The following INPP4B variants were observed in gnomAD, a reference collection of about 807,000 sequenced individuals.
The protein encoded by INPP4B is inositol polyphosphate-4-phosphatase type II B.
In INPP4B, 55 loss-of-function variants were observed where a neutral mutation model predicts 122.5. The ratio of observed to expected loss-of-function variants is 0.45; its 90% CI spans 0.36 to 0.56. The LOEUF (loss-of-function observed/expected upper bound fraction) is 0.56. Among genes scored for constraint, INPP4B ranks in the 20% least tolerant of loss-of-function variants. INPP4B has a pLI of 0.00. For missense variants in INPP4B, 1,000 were observed against 1,097.7 expected (o/e 0.91, Z 1.26); for synonymous variants, 403 against 388.7 (o/e 1.04, Z -0.43).
chr4:142,805,678 A>G (rs1778592701), intron 1 of INPP4B, among the ~76,000 whole-genome samples: 1 of 152,018 alleles, frequency 6.6e-6, no homozygotes, highest in Admixed American at 6.6e-5. Flanking sequence ...TAATAAGTAT[A>G]TTTTCTCTTG....
intron 2 of INPP4B, among the ~76,000 whole-genome samples, chr4:142,540,784 G>A (rs1011909310): frequency 9.2e-5 from 14 of 151,860 alleles, no homozygotes; most frequent in East Asian, 1.9e-4. Context: ...TATTCTACAT[G>A]CACACACACA....
chr4:142,667,100 C>G (rs903393025), intron 2 of INPP4B, among the ~76,000 whole-genome samples: 1 of 152,148 alleles, frequency 6.6e-6, no homozygotes, highest in Non-Finnish European at 1.5e-5. Context: ...ATACTAACAG[C>G]ATAATAGGCT....
intron 2 of INPP4B, among the ~76,000 whole-genome samples, chr4:142,693,852 T>A (rs1760598207): frequency 6.6e-6 from 1 of 152,106 alleles, no homozygotes; most frequent in Admixed American, 6.6e-5. Context: ...AAGAAACAGA[T>A]AATCAAGAAA....
chr4:142,281,668 T>C (rs1402831771), intron 9 of INPP4B, among the ~76,000 whole-genome samples: 2 of 152,122 alleles, frequency 1.3e-5, no homozygotes, highest in South Asian at 2.1e-4. Context: ...TTTTAGAGTG[T>C]AATGTATTTC....
intron 2 of INPP4B, among the ~76,000 whole-genome samples, chr4:142,686,047 C>T (rs558949138): frequency 2.0e-5 from 3 of 152,136 alleles, no homozygotes; most frequent in African/African-American, 4.8e-5. Context: ...GGCTGTTGAC[C>T]GGAATTTCAT....
chr4:142,179,238 C>T (rs1047556645), intron 15 of INPP4B, among the ~76,000 whole-genome samples: 3 of 151,864 alleles, frequency 2.0e-5, no homozygotes. Flanking sequence ...TTTGGGAGGC[C>T]GAGGTGGGCA....
At chr4:142,402,378 G>C (rs1488883033) in intron 7 of INPP4B, among the ~76,000 whole-genome samples, 1 of 152,322 alleles carries the variant, frequency 6.6e-6, no homozygotes, top group South Asian at 2.1e-4. Context: ...ATGCAGACCA[G>C]TTAGGAAGAT....
At chr4:142,845,713 G>A (rs1328831424) in intron 1 of INPP4B, among the ~76,000 whole-genome samples, 1 of 152,008 alleles carries the variant, frequency 6.6e-6, no homozygotes, top group Admixed American at 6.6e-5. Flanking sequence ...TATTCCTTAA[G>A]GACTTCTTCC....
intron 2 of INPP4B, among the ~76,000 whole-genome samples, chr4:142,488,922 C>T (rs1053802908): frequency 7.2e-5 from 11 of 151,926 alleles, no homozygotes; most frequent in Non-Finnish European, 2.9e-5. Context: ...TCTCCCTTTT[C>T]AAGCCTTTTA....
At chr4:142,535,277 C>A (rs1229385166) in intron 2 of INPP4B, among the ~76,000 whole-genome samples, 1 of 152,184 alleles carries the variant, frequency 6.6e-6, no homozygotes, top group East Asian at 1.9e-4. Context: ...TCCTCCTACA[C>A]AGAGCTGGGT....
At chr4:142,497,071 T>C (rs1822678426) in intron 2 of INPP4B, 1 of 152,144 alleles carries the variant, frequency 6.6e-6, no homozygotes, top group African/African-American at 2.4e-5. Context: ...TTTTAGGGGA[T>C]TCGTTAGAGT....
chr4:142,126,509 A>G (rs1798682875), intron 18 of INPP4B, among the ~76,000 whole-genome samples: 1 of 152,170 alleles, frequency 6.6e-6, no homozygotes, highest in Non-Finnish European at 1.5e-5. Flanking sequence ...ATACTCTATG[A>G]AATGCCTATG....
chr4:142,097,375 C>T (rs1034515837), intron 23 of INPP4B, among the ~76,000 whole-genome samples: 5 of 151,978 alleles, frequency 3.3e-5, no homozygotes, highest in Non-Finnish European at 7.4e-5. Flanking sequence ...CTGCCTCAGT[C>T]TCCTTAGTAG....
chr4:142,134,415 T>C (rs1802920608), intron 18 of INPP4B, among the ~76,000 whole-genome samples: 1 of 152,196 alleles, frequency 6.6e-6, no homozygotes, highest in Admixed American at 6.5e-5. Flanking sequence ...ACAGCATTAG[T>C]TTTCTGGTAA....
intron 25 of INPP4B, among the ~76,000 whole-genome samples, chr4:142,065,291 T>A (rs1762948129): frequency 6.6e-6 from 1 of 151,566 alleles, no homozygotes; most frequent in African/African-American, 2.4e-5. Context: ...TATTAAAGAA[T>A]GCTATACATC....
intron 2 of INPP4B, among the ~76,000 whole-genome samples, chr4:142,517,796 T>A (rs1825599216): frequency 6.6e-6 from 1 of 152,126 alleles, no homozygotes; most frequent in South Asian, 2.1e-4. Flanking sequence ...TCCCCTAATA[T>A]ACCTTAATAG....
intron 15 of INPP4B, among the ~76,000 whole-genome samples, chr4:142,186,959 T>C (rs1258591296): frequency 6.6e-6 from 1 of 151,896 alleles, no homozygotes; most frequent in Non-Finnish European, 1.5e-5. Flanking sequence ...ATACAAGGAG[T>C]TGTATATAGG....
At chr4:142,226,761 A>C (rs1851762642) in intron 12 of INPP4B, among the ~76,000 whole-genome samples, 1 of 152,204 alleles carries the variant, frequency 6.6e-6, no homozygotes, top group Admixed American at 6.5e-5. Flanking sequence ...GCAGATATAA[A>C]AATTAAATGG....
intron 11 of INPP4B, among the ~76,000 whole-genome samples, chr4:142,240,071 C>CT (rs397878976): frequency 0.046 from 6,073 of 132,466 alleles, 150 homozygotes; most frequent in Non-Finnish European, 0.058. Context: ...TTATTGTTTT[C>CT]TTTTTTTTTT....
Sources: allele counts gnomAD v4.1 joint callset (sites outside exome capture counted in the v4.1 genomes callset), GRCh38; gene constraint gnomAD v4.1.1; transcripts MANE v1.5; gene names NCBI Gene and HGNC (gene_info 2026-07-23, HGNC 2026-07-21).